Variants in CCDC175 observed in about 807,000 individuals in gnomAD.
CCDC175 encodes the protein coiled-coil domain-containing protein 175.
A neutral mutation model predicts 114.6 loss-of-function variants in CCDC175; 100 were observed. That is an observed-to-expected ratio of 0.87 (90% CI 0.74 to 1.03). The LOEUF (loss-of-function observed/expected upper bound fraction) is 1.03. Among genes scored for constraint, CCDC175 ranks in the 50% least tolerant of loss-of-function variants. The pLI, the probability that CCDC175 is intolerant of heterozygous loss-of-function variation, is 0.00. For synonymous variants in CCDC175, 306 were observed against 308.7 expected (o/e 0.99, Z 0.09); for missense variants, 880 against 917.8 (o/e 0.96, Z 0.53).
At chr14:59,521,541 CCTGA>C in intron 17 of CCDC175, 29 bp downstream of exon 17, 1 of 1,221,894 alleles carries the variant, frequency 8.2e-7, no homozygotes, top group Non-Finnish European at 1.2e-6. Flanking sequence ...GCTAAAGAAC[CCTGA>C]CTAATACAAG....
chr14:59,544,603 T>G (rs1484425731), intron 9 of CCDC175, among the ~76,000 whole-genome samples: 1 of 152,196 alleles, frequency 6.6e-6, no homozygotes, highest in East Asian at 1.9e-4. Flanking sequence ...TGGGTAATTT[T>G]TACTCTCTAA....
At chr14:59,514,515 A>T (rs1359527476) in intron 17 of CCDC175, among the ~76,000 whole-genome samples, 2 of 152,234 alleles carry the variant, frequency 1.3e-5, no homozygotes, top group African/African-American at 4.8e-5. Context: ...ACTACATGAC[A>T]AATGCATAAG....
intron 13 of CCDC175, among the ~76,000 whole-genome samples, chr14:59,533,597 G>C (rs1247914721): frequency 6.6e-6 from 1 of 152,128 alleles, no homozygotes; most frequent in Non-Finnish European, 1.5e-5. Flanking sequence ...ATACAAAGAA[G>C]CTAAAATGCA....
chr14:59,524,056 G>C (rs954646104), intron 16 of CCDC175, among the ~76,000 whole-genome samples: 2 of 151,916 alleles, frequency 1.3e-5, no homozygotes, highest in African/African-American at 4.8e-5. Context: ...CATTTTAAGA[G>C]GCCAAAATGA....
intron 8 of CCDC175, among the ~76,000 whole-genome samples, chr14:59,546,634 TG>T (rs1895130015): frequency 6.6e-6 from 1 of 152,076 alleles, no homozygotes; most frequent in Non-Finnish European, 1.5e-5. Flanking sequence ...GCATGGCAAG[TG>T]GAACAAAAGC....
chr14:59,519,979 G>A (rs1389760824), intron 17 of CCDC175, among the ~76,000 whole-genome samples: 1 of 152,232 alleles, frequency 6.6e-6, no homozygotes, highest in Non-Finnish European at 1.5e-5. Flanking sequence ...ACAGGAATGA[G>A]TGAGTCTTCA....
intron 16 of CCDC175, among the ~76,000 whole-genome samples, chr14:59,524,831 G>A (rs1337267433): frequency 1.3e-5 from 2 of 152,106 alleles, no homozygotes; most frequent in African/African-American, 4.8e-5. Flanking sequence ...ATCAATAGTC[G>A]AGTGTATAAA....
At chr14:59,575,376 T>C (rs1897051578) in intron 1 of CCDC175, among the ~76,000 whole-genome samples, 1 of 152,232 alleles carries the variant, frequency 6.6e-6, no homozygotes, top group Admixed American at 6.5e-5. Context: ...AGGGTTGCAT[T>C]GGCATGCCGA....
intron 14 of CCDC175, among the ~76,000 whole-genome samples, chr14:59,531,344 G>A (rs1171385837): frequency 7.9e-6 from 1 of 125,958 alleles, no homozygotes; most frequent in East Asian, 2.0e-4. Context: ...GCCTCAGGAG[G>A]AAGTTAGTGA....
At chr14:59,545,072 ATAAGTT>A in intron 9 of CCDC175, 85 bp downstream of exon 9, 1 of 1,229,564 alleles carries the variant, frequency 8.1e-7, no homozygotes, top group Non-Finnish European at 1.1e-6. Context: ...TAAAACTAGG[ATAAGTT>A]TAAGTGGAGA....
chr14:59,523,791 C>T (rs1023026314), intron 16 of CCDC175, among the ~76,000 whole-genome samples: 8 of 152,068 alleles, frequency 5.3e-5, no homozygotes, highest in Non-Finnish European at 8.8e-5. Flanking sequence ...AGATCGAGAC[C>T]ATCCTGGCTA....
chr14:59,549,721 A>G (rs1323058134), intron 8 of CCDC175, among the ~76,000 whole-genome samples: 6 of 148,934 alleles, frequency 4.0e-5, no homozygotes, highest in African/African-American at 1.5e-4. Flanking sequence ...CTATGTCTCA[A>G]AAAAAAAAAG....
intron 13 of CCDC175, among the ~76,000 whole-genome samples, chr14:59,537,399 A>G (rs891417120): frequency 6.6e-6 from 1 of 152,072 alleles, no homozygotes; most frequent in African/African-American, 2.4e-5. Flanking sequence ...CCTTCAAATA[A>G]AGCCCCTCTT....
intron 10 of CCDC175, among the ~76,000 whole-genome samples, chr14:59,541,418 A>G (rs1894780075): frequency 6.6e-6 from 1 of 152,218 alleles, no homozygotes; most frequent in Non-Finnish European, 1.5e-5. Context: ...TTTCCCTATT[A>G]AGTGATTCTT....
At chr14:59,554,952 T>G (rs1339478412) in intron 7 of CCDC175, among the ~76,000 whole-genome samples, 4 of 152,040 alleles carry the variant, frequency 2.6e-5, no homozygotes, top group Admixed American at 1.3e-4. Flanking sequence ...AATAACAGGC[T>G]CTGAAAGTGA....
chr14:59,542,894 G>A (rs1166895195), intron 10 of CCDC175, among the ~76,000 whole-genome samples: 2 of 152,102 alleles, frequency 1.3e-5, no homozygotes, highest in East Asian at 3.8e-4. Context: ...AGCATATATT[G>A]TAAACTGTTA....
At chr14:59,533,413 G>C (rs920574204) in intron 13 of CCDC175, among the ~76,000 whole-genome samples, 1 of 152,150 alleles carries the variant, frequency 6.6e-6, no homozygotes, top group Non-Finnish European at 1.5e-5. Flanking sequence ...TTAACCCAGG[G>C]CCAGTTTCCC....
At chr14:59,511,254 C>T (rs979864325) in intron 18 of CCDC175, among the ~76,000 whole-genome samples, 1 of 152,144 alleles carries the variant, frequency 6.6e-6, no homozygotes, top group Admixed American at 6.5e-5. Context: ...GACATTTTAA[C>T]GCTTTCCTAG....
chr14:59,527,240 A>G (rs1471098544), intron 14 of CCDC175, 66 bp from the exon 15 acceptor site: 2 of 841,592 alleles, frequency 2.4e-6, no homozygotes, highest in Non-Finnish European at 3.5e-6. Flanking sequence ...TCAAAGAAGT[A>G]CCTAGTTTTA....
Sources: allele counts gnomAD v4.1 joint callset (sites outside exome capture counted in the v4.1 genomes callset), GRCh38; gene constraint gnomAD v4.1.1; transcripts MANE v1.5; gene names NCBI Gene and HGNC (gene_info 2026-07-23, HGNC 2026-07-21).